The following MEPE variants were observed in gnomAD, a reference collection of about 807,000 sequenced individuals.
MEPE encodes matrix extracellular phosphoglycoprotein.
Under a neutral mutation model 7.3 loss-of-function variants are expected in MEPE, and 7 were observed. The ratio of observed to expected loss-of-function variants is 0.95; its 90% confidence interval spans 0.54 to 1.79. The LOEUF (loss-of-function observed/expected upper bound fraction) is 1.79. MEPE is among the 40% of genes most tolerant of loss of function. The pLI is 0.00. For missense variants in MEPE, 623 were observed against 628.2 expected (o/e 0.99, Z 0.09); for synonymous variants, 214 against 213.1 (o/e 1.00, Z -0.04).
At chr4:87,829,231 C>CA (rs1189847369), upstream of MEPE, among the ~76,000 whole-genome samples, 1 of 151,464 alleles carries the variant, frequency 6.6e-6, no homozygotes, top group Non-Finnish European at 1.5e-5. Context: ...TTGCTTTTGT[C>CA]AATTGTAGGT....
intron 3 of MEPE, among the ~76,000 whole-genome samples, chr4:87,841,289 A>G (rs1578061130): frequency 6.6e-6 from 1 of 152,210 alleles, no homozygotes; most frequent in East Asian, 1.9e-4. Flanking sequence ...CTTGATTGCA[A>G]AGGAAAACAT....
chr4:87,832,031 G>C (rs1722612716), upstream of MEPE, among the ~76,000 whole-genome samples: 1 of 151,864 alleles, frequency 6.6e-6, no homozygotes, highest in South Asian at 2.1e-4. Flanking sequence ...GCCTGACGAG[G>C]GCTGTCTATC....
intron 1 of MEPE, among the ~76,000 whole-genome samples, chr4:87,826,311 C>T (rs376591394): frequency 1.3e-5 from 2 of 151,914 alleles, no homozygotes; most frequent in Non-Finnish European, 2.9e-5. Flanking sequence ...CTCTGCCTCC[C>T]GGGTTCAAGG....
In MEPE at chr4:87,845,163, G is replaced by A; in HGVS notation, c.295G>A (p.Glu99Lys). Residue 99 changes from glutamate to lysine, a missense_variant, in exon 4 of 4, where the codon GAA becomes AAA. Coordinates refer to ENST00000361056, the MANE Select transcript of MEPE (RefSeq NM_020203.6). ...CACAAATAGACAGAGACTGAATAAA[G>A]AATATAGTATCAGTAACAAAGAGAA... Reference protein sequence around the residue: ...YFTNRQRLNKEYSISNKENTH... With the variant: ...YFTNRQRLNKKYSISNKENTH... 5 of 1,613,524 alleles carry A rather than the reference G, an allele frequency of 3.1e-6. No homozygotes were observed. The highest frequency in any genetic ancestry group is 3.4e-6 in the Non-Finnish European group (4 of 1,179,710).
intron 3 of MEPE, among the ~76,000 whole-genome samples, chr4:87,842,258 T>C (rs1723042409): frequency 6.6e-6 from 1 of 152,158 alleles, no homozygotes; most frequent in Admixed American, 6.5e-5. Context: ...CTGGCTTCCC[T>C]GCGTTTGGTT....
At chr4:87,826,392 GTTTTTGT>G (rs1722467802) in intron 1 of MEPE, among the ~76,000 whole-genome samples, 1 of 144,506 alleles carries the variant, frequency 6.9e-6, no homozygotes, top group African/African-American at 2.6e-5. Flanking sequence ...TTTTTTTTTT[GTTTTTGT>G]TTTTTGTTTT....
chr4:87,839,717 G>C (rs908489004), intron 3 of MEPE: 21 of 1,549,892 alleles, frequency 1.4e-5, no homozygotes, highest in Non-Finnish European at 1.7e-5. Context: ...AGAAACATGG[G>C]CATTATGTTT....
intron 2 of MEPE, among the ~76,000 whole-genome samples, chr4:87,838,186 T>C (rs1722871846): frequency 6.6e-6 from 1 of 152,196 alleles, no homozygotes; most frequent in Admixed American, 6.5e-5. Flanking sequence ...AATATTACAG[T>C]TACTCAACTT....
At chr4:87,824,933 G>A (rs1201680231) in intron 1 of MEPE, among the ~76,000 whole-genome samples, 2 of 152,048 alleles carry the variant, frequency 1.3e-5, no homozygotes, top group African/African-American at 2.4e-5. Flanking sequence ...CTGCAGGCTC[G>A]ACCTCCCAGG....
At chr4:87,830,151 C>T (rs374684857), upstream of MEPE, among the ~76,000 whole-genome samples, 294 of 152,214 alleles carry the variant, frequency 1.9e-3, 2 homozygotes, top group South Asian at 0.015. Flanking sequence ...ATAGCTCAAA[C>T]CTAGTCCTGG....
In MEPE at chr4:87,845,486, T is replaced by C. The variant is rs998952916; in HGVS notation, c.618T>C (p.Ser206=). Residue 206 remains serine, a synonymous_variant, in exon 4 of 4, where the codon AGT becomes AGC. Transcript: ENST00000361056. The stretch of plus-strand genomic sequence containing the variant: ...AAAGAGATTCCCAAGCCCAGAAAAG[T>C]CCAGTAAAAAGCAAAAGCACCCATC... The part of the protein sequence containing the change: ...KPQRDSQAQK[S]PVKSKSTHRI... 8 of 1,613,364 alleles carry C rather than the reference T, an allele frequency of 5.0e-6. No individual in the cohort carries two copies. The highest frequency in any genetic ancestry group is 5.1e-6 in the Non-Finnish European group (6 of 1,179,786).
At chr4:87,825,850 C>A (rs62317033) in intron 1 of MEPE, among the ~76,000 whole-genome samples, 49,752 of 151,996 alleles carry the variant, frequency 0.33, 8,460 homozygotes, top group Admixed American at 0.35. Flanking sequence ...TACCCCACCT[C>A]CAACAGGCCC....
At chr4:87,839,894 G>C (rs1560539829) in intron 3 of MEPE, 1 of 1,540,528 alleles carries the variant, frequency 6.5e-7, no homozygotes, top group East Asian at 2.4e-5. Flanking sequence ...CTGTCTTATG[G>C]CTGGCACTTT....
chr4:87,829,027 C>G (rs931820825), upstream of MEPE, among the ~76,000 whole-genome samples: 4 of 152,096 alleles, frequency 2.6e-5, no homozygotes, highest in African/African-American at 9.7e-5. Context: ...GCAAAACTCT[C>G]TATTATACAA....
At chr4:87,823,398 T>G (rs1474374755) in intron 1 of MEPE, among the ~76,000 whole-genome samples, 1 of 152,210 alleles carries the variant, frequency 6.6e-6, no homozygotes. Flanking sequence ...AGGGGACCCA[T>G]CTTTAATCTG....
chr4:87,824,574 C>G (rs1722418261), intron 1 of MEPE, among the ~76,000 whole-genome samples: 1 of 152,226 alleles, frequency 6.6e-6, no homozygotes, highest in Admixed American at 6.5e-5. Context: ...TCTGCCAAAA[C>G]AGGTGATGAG....
chr4:87,831,730 C>T (rs1722604895), upstream of MEPE, among the ~76,000 whole-genome samples: 1 of 152,140 alleles, frequency 6.6e-6, no homozygotes, highest in South Asian at 2.1e-4. Context: ...ATCTAATACC[C>T]TTCTGACCTC....
Position 87,834,736 on chromosome 4 carries a change from C to T in MEPE, c.22C>T (p.Leu8=). MRVFCVG[L]LLFSVTWAAP... is the part of the protein sequence containing the mutation. The stretch of plus-strand genomic sequence containing the variant: ...AAAGATGCGAGTTTTCTGTGTGGGA[C>T]TACTCCTTTTCAGTGTGACCTGGGC... The change falls in exon 2 of 4, where the codon CTA becomes TTA. Residue 8 remains leucine (L), a synonymous_variant. Coordinates refer to ENST00000361056, the MANE Select transcript of MEPE (RefSeq NM_020203.6). 6.2e-7 allele frequency: 1 copy of T among 1,613,306 alleles called. No individual in the cohort carries two copies. The highest frequency in any genetic ancestry group is 1.1e-5 in the South Asian group (1 of 90,962).
chr4:87,839,691 T>C (rs772945608), intron 3 of MEPE: 2 of 1,549,306 alleles, frequency 1.3e-6, no homozygotes, highest in Admixed American at 2.0e-5. Context: ...GTAGATAACA[T>C]ACAAGGGTCA....
Sources: allele counts gnomAD v4.1 joint callset (sites outside exome capture counted in the v4.1 genomes callset), GRCh38; gene constraint gnomAD v4.1.1; transcripts MANE v1.5; gene names NCBI Gene and HGNC (gene_info 2026-07-23, HGNC 2026-07-21).